CKM: variants seen among roughly 807,000 people sequenced by gnomAD.
CKM encodes the protein creatine kinase M-type.
In CKM, 28 loss-of-function variants were observed where a neutral mutation model predicts 35.4. The observed-to-expected ratio is 0.79, with a 90% CI of 0.59 to 1.08. The LOEUF (loss-of-function observed/expected upper bound fraction) is 1.08, where lower values mean the gene tolerates loss of function less well. Among genes scored for constraint, CKM ranks in the 50% least tolerant of loss-of-function variants. The pLI, the probability that CKM is intolerant of heterozygous loss-of-function variation, is 0.00. For synonymous variants in CKM, 215 were observed against 204.4 expected, an observed-to-expected ratio of 1.05 and a Z score of -0.44; for missense variants, 484 against 509.8, an observed-to-expected ratio of 0.95 and a Z score of 0.49.
At chr19:45,311,605 C>T (rs779962548) in intron 5 of CKM, 144 bp downstream of exon 5, 8 of 706,972 alleles carry the variant, frequency 1.1e-5, no homozygotes, top group South Asian at 3.7e-5. Context: ...TGGGCAGGGG[C>T]GGAGGGCAAG....
chr19:45,310,362 C>T (rs1213652799), intron 5 of CKM, among the ~76,000 whole-genome samples: 7 of 151,632 alleles, frequency 4.6e-5, no homozygotes, highest in Middle Eastern at 3.4e-3. Context: ...CCTCGTGATC[C>T]GCCCGCCTTG....
In CKM at chr19:45,311,930, C is replaced by T. The variant is rs1301582260; in HGVS notation, c.482-10G>A. 3.7e-6 allele frequency: 6 copies of T among 1,613,540 alleles called. No homozygotes were observed. The highest frequency in any genetic ancestry group is 1.6e-4 in the Middle Eastern group (1 of 6,064). Reference sequence around the variant, plus strand: ...GTCAGGCTGTTGAGAGCTATGGGGACACACGAGGGAGTGGTCAGCAGCCTG... The same window carrying T: ...GTCAGGCTGTTGAGAGCTATGGGGATACACGAGGGAGTGGTCAGCAGCCTG... On this transcript the variant is annotated splice_polypyrimidine_tract_variant and intron_variant, in intron 4 of 7. Transcript: ENST00000221476.
chr19:45,320,012 A>C (rs1000561040), intron 1 of CKM, among the ~76,000 whole-genome samples: 1 of 150,926 alleles, frequency 6.6e-6, no homozygotes, highest in African/African-American at 2.4e-5. Context: ...GATAGTCTTG[A>C]TCTCCTGACC....
chr19:45,311,663 G>T, intron 5 of CKM, 86 bp downstream of exon 5: 3 of 1,152,084 alleles, frequency 2.6e-6, no homozygotes, highest in South Asian at 2.9e-5. Context: ...ATATGGCCTT[G>T]GTTTTGGTGG....
intron 3 of CKM, among the ~76,000 whole-genome samples, chr19:45,317,164 G>T (rs1971166350): frequency 6.6e-6 from 1 of 151,566 alleles, no homozygotes; most frequent in African/African-American, 2.4e-5. Flanking sequence ...CTGGAGTGCA[G>T]TGGCATGATC....
chr19:45,309,542 C>T (rs184873225), intron 5 of CKM, among the ~76,000 whole-genome samples: 62 of 104,140 alleles, frequency 6.0e-4, no homozygotes, highest in Middle Eastern at 0.021. Flanking sequence ...GGCAACAGAG[C>T]AAGACCCTGT....
rs371365053 is a variant in CKM, at chr19:45,322,009, C to T, written c.-19+812G>A. 6.2e-4 allele frequency among the ~76,000 whole-genome samples: 95 copies of T among 152,214 alleles called. 5 individuals are homozygous for T. In the South Asian group the frequency reaches 0.012, roughly 19 times the overall value. The stretch of plus-strand genomic sequence containing the variant: ...GCCATCCCACCCCCAGCTGCTGCCC[C>T]GCCCCACCCCCACATTCCGGGGCTC... On this transcript the variant is annotated intron_variant, in intron 1 of 7. Coordinates refer to ENST00000221476, the MANE Select transcript of CKM (RefSeq NM_001824.5).
At chr19:45,308,168 G>A (rs1247748132) in intron 6 of CKM, among the ~76,000 whole-genome samples, 1 of 151,972 alleles carries the variant, frequency 6.6e-6, no homozygotes, top group Non-Finnish European at 1.5e-5. Context: ...GCCTGAAGGC[G>A]GATCCTTACG....
At chr19:45,320,542 G>A (rs1971203974) in intron 1 of CKM, among the ~76,000 whole-genome samples, 1 of 152,346 alleles carries the variant, frequency 6.6e-6, no homozygotes, top group Middle Eastern at 3.4e-3. Flanking sequence ...CAAGGGCCTG[G>A]CTCTGCCGTA....
chr19:45,307,417 C>G, intron 7 of CKM, 44 bp downstream of exon 7: 2 of 1,592,382 alleles, frequency 1.3e-6, no homozygotes, highest in Non-Finnish European at 1.7e-6. Context: ...GCAAAGGGCC[C>G]TCGCTCCCCC....
chr19:45,315,012 C>T (rs574713237), intron 4 of CKM, among the ~76,000 whole-genome samples: 1 of 152,324 alleles, frequency 6.6e-6, no homozygotes, highest in South Asian at 2.1e-4. Context: ...TCAACTCCTC[C>T]TATCTGAGGT....
chr19:45,306,559 G>A lies in CKM; in HGVS notation c.*191C>T, dbSNP rs548144760. 2 of 626,362 alleles carry A rather than the reference G, an allele frequency of 3.2e-6. No individual in the cohort carries two copies. Among genetic ancestry groups the A allele is most frequent in the Non-Finnish European group, 5.6e-6 (2 of 354,362 alleles). 38.8% of individuals were successfully genotyped at this position (626,362 alleles called of 1,614,324 possible). On this transcript the variant is annotated 3_prime_UTR_variant, in exon 8 of 8. Coordinates refer to ENST00000221476, the MANE Select transcript of CKM (RefSeq NM_001824.5). This position sits in a 1 kb window ranked among gnomAD's most constrained non-coding sequence, Gnocchi z 4.5. ...GACCCTGCCAGGGAGATATTTCATT[G>A]GCCAGAATCCAGAGGATGGAGCCCA...
chr19:45,310,213 C>T (rs879545065), intron 5 of CKM, among the ~76,000 whole-genome samples: 1 of 149,766 alleles, frequency 6.7e-6, no homozygotes, highest in Admixed American at 6.7e-5. Context: ...CTCCGCCTCC[C>T]GGGTTCACGC....
chr19:45,315,952 C>T (rs1193545737), intron 3 of CKM, among the ~76,000 whole-genome samples: 16 of 150,662 alleles, frequency 1.1e-4, no homozygotes, highest in Admixed American at 7.3e-4. Flanking sequence ...CAAGCAATTC[C>T]CCTGCCTCAG....
chr19:45,309,135 AG>A (rs1223297063), intron 5 of CKM, among the ~76,000 whole-genome samples: 2 of 151,400 alleles, frequency 1.3e-5, no homozygotes, highest in Non-Finnish European at 2.9e-5. Context: ...GGCTGAGGCA[AG>A]AGAATGGCGA....
rs552108466 is a variant in CKM at position 45,312,869 on chromosome 19, A to T, written c.482-949T>A. On this transcript the variant is annotated intron_variant, in intron 4 of 7. Coordinates refer to ENST00000221476, the MANE Select transcript of CKM (RefSeq NM_001824.5). ...CTCAAGAGGCTGAGGCACGAGAAAC[A>T]CTTGAACCCAAGAGGTGGAGGTTGC... Among the ~76,000 whole-genome samples the T allele has an allele frequency of 1.4e-4, 21 of 151,444 alleles. 1 individual carries two copies. The South Asian group carries it at 4.4e-3, about 32-fold the overall frequency.
chr19:45,317,504 C>G (rs1416615413), intron 3 of CKM, among the ~76,000 whole-genome samples: 2 of 151,986 alleles, frequency 1.3e-5, no homozygotes, highest in African/African-American at 4.8e-5. Flanking sequence ...TCAGGCTGGT[C>G]TCAAACTCTC....
intron 7 of CKM, 28 bp downstream of exon 7, chr19:45,307,433 C>T (rs1483909253): frequency 6.2e-7 from 1 of 1,609,388 alleles, no homozygotes. Flanking sequence ...CCCCCTCCGT[C>T]GTGGTGCAAA....
Position 45,306,773 on chromosome 19 carries a change from C to T in CKM, c.1123G>A (p.Asp375Asn), listed in dbSNP as rs1405865783. The change falls in exon 8 of 8, where the codon GAC (aspartate) becomes AAC (asparagine). Residue 375 changes from aspartate (D) to asparagine (N), a missense_variant. Transcript: ENST00000221476. The surrounding 1 kb of genome is among the most constrained non-coding windows in gnomAD (Gnocchi z 4.5). The part of the protein sequence containing the change: ...KKLEKGQSID[D>N]MIPAQK Reference sequence around the variant, plus strand: ...GCCTACTTCTGGGCGGGGATCATGTCGTCAATGGACTGGCCTTTCTCCAAC... The same window carrying T: ...GCCTACTTCTGGGCGGGGATCATGTTGTCAATGGACTGGCCTTTCTCCAAC... 1.9e-6 allele frequency: 3 copies of T among 1,614,050 alleles called. No homozygotes were observed. The highest frequency in any genetic ancestry group is 2.7e-5 in the African/African-American group (2 of 74,914).
Sources: allele counts gnomAD v4.1 joint callset (sites outside exome capture counted in the v4.1 genomes callset), GRCh38; gene constraint gnomAD v4.1.1; non-coding constraint Gnocchi (gnomAD v3.1); transcripts MANE v1.5; gene names NCBI Gene and HGNC (gene_info 2026-07-23, HGNC 2026-07-21).